ARHGEF4: variants seen among roughly 807,000 people sequenced by gnomAD.
The protein encoded by ARHGEF4 is Rho guanine nucleotide exchange factor 4.
In ARHGEF4, 119 loss-of-function variants were observed where a neutral mutation model predicts 162.0. The observed-to-expected ratio is 0.73, with a 90% CI of 0.63 to 0.86. The LOEUF (loss-of-function observed/expected upper bound fraction) is 0.86. Among genes scored for constraint, ARHGEF4 ranks in the 40% least tolerant of loss-of-function variants. The pLI, the probability that ARHGEF4 is intolerant of heterozygous loss-of-function variation, is 0.00. For synonymous variants in ARHGEF4, 1,014 were observed against 979.9 expected (o/e 1.03, Z -0.65); for missense variants, 2,488 against 2,456.0 (o/e 1.01, Z -0.28).
At chr2:130,941,781 G>T (rs1280063274) in intron 3 of ARHGEF4, among the ~76,000 whole-genome samples, 1 of 152,168 alleles carries the variant, frequency 6.6e-6, no homozygotes, top group Non-Finnish European at 1.5e-5. Flanking sequence ...GGCTAAGGAG[G>T]AGGAAGGAGA....
intron 4 of ARHGEF4, among the ~76,000 whole-genome samples, chr2:130,995,542 G>A (rs140211548): frequency 7.6e-4 from 115 of 152,226 alleles, no homozygotes; most frequent in African/African-American, 2.7e-3. Context: ...CTCCACATGT[G>A]CCTGGTTATA....
chr2:130,915,091 C>A lies in ARHGEF4; in HGVS notation c.1145C>A (p.Ala382Glu). 6.4e-7 allele frequency: 1 copy of A among 1,550,724 alleles called. No homozygotes were observed. Among genetic ancestry groups the A allele is most frequent in the Non-Finnish European group, 8.7e-7 (1 of 1,147,026 alleles). Reference sequence around the variant, plus strand: ...AGAATACAAAACATCCCTTCCCCTGCACCCACCCAGCTGTCTGGCCCGATT... The same window carrying A: ...AGAATACAAAACATCCCTTCCCCTGAACCCACCCAGCTGTCTGGCCCGATT... ...DPRIQNIPSP[A>E]PTQLSGPIPA... The change falls in exon 2 of 14, where the codon GCA (alanine) becomes GAA (glutamate). Residue 382 changes from alanine to glutamate, a missense_variant. Physicochemically the swap from Ala to Glu is moderately radical, Grantham distance 107. Coordinates refer to ENST00000409359, the MANE Select transcript of ARHGEF4 (RefSeq NM_001367493.1).
At chr2:130,950,355 G>A (rs1683879715) in intron 4 of ARHGEF4, among the ~76,000 whole-genome samples, 1 of 152,146 alleles carries the variant, frequency 6.6e-6, no homozygotes, top group South Asian at 2.1e-4. Context: ...GCAGGGCCAG[G>A]TACATCTCTG....
At chr2:130,975,578 T>C (rs1685649207) in intron 4 of ARHGEF4, among the ~76,000 whole-genome samples, 1 of 152,168 alleles carries the variant, frequency 6.6e-6, no homozygotes, top group Admixed American at 6.5e-5. Flanking sequence ...CCCATGGAAG[T>C]GACTCTTGTC....
chr2:130,885,591 A>T (rs72658776), intron 1 of ARHGEF4, among the ~76,000 whole-genome samples: 15,927 of 111,462 alleles, frequency 0.14, 966 homozygotes, highest in Admixed American at 0.23. Flanking sequence ...TTTTTTTTAG[A>T]TGGAGTCTCC....
At chr2:130,970,898 CA>C (rs2105219654) in intron 4 of ARHGEF4, among the ~76,000 whole-genome samples, 1 of 152,264 alleles carries the variant, frequency 6.6e-6, no homozygotes, top group African/African-American at 2.4e-5. Context: ...TTTTGCTGAA[CA>C]AAAGTTTGTA....
At chr2:130,975,568 C>T (rs1417660988) in intron 4 of ARHGEF4, among the ~76,000 whole-genome samples, 1 of 152,192 alleles carries the variant, frequency 6.6e-6, no homozygotes, top group East Asian at 1.9e-4. Context: ...CCTTGCCTTT[C>T]CCATGGAAGT....
At position 130,914,759 on chromosome 2, in the gene ARHGEF4, G is replaced by C. The variant is rs989834873; in HGVS notation, c.813G>C (p.Lys271Asn). ...NTAPLGTRTK[K>N]ESTLGPAGDT... ...CCCCTCTGGGGACCAGGACAAAGAA[G>C]GAAAGTACTCTAGGCCCTGCAGGGG... The change falls in exon 2 of 14, where the codon AAG becomes AAC. Residue 271 changes from lysine to asparagine, a missense_variant. Coordinates refer to ENST00000409359, the MANE Select transcript of ARHGEF4 (RefSeq NM_001367493.1). 3.5e-6 allele frequency: 5 copies of C among 1,427,562 alleles called. No individual in the cohort carries two copies. The highest frequency in any genetic ancestry group is 4.6e-6 in the Non-Finnish European group (5 of 1,096,498). The allele number at this position is 1,427,562 out of a possible 1,614,324, so 88.4% of individuals were successfully genotyped here.
chr2:130,844,073 G>A (rs1370426657), intron 1 of ARHGEF4, among the ~76,000 whole-genome samples: 1 of 152,206 alleles, frequency 6.6e-6, no homozygotes, highest in African/African-American at 2.4e-5. Context: ...AGACCCTGCA[G>A]AGGGTTTGAA....
chr2:130,945,070 C>T (rs1312933914), intron 3 of ARHGEF4, among the ~76,000 whole-genome samples: 3 of 152,102 alleles, frequency 2.0e-5, no homozygotes, highest in Non-Finnish European at 2.9e-5. Flanking sequence ...TGTTCTACCC[C>T]ATGGTTCAGT....
chr2:130,976,357 G>GTGTT (rs149397879), intron 4 of ARHGEF4, among the ~76,000 whole-genome samples: 1 of 151,682 alleles, frequency 6.6e-6, no homozygotes, highest in Admixed American at 6.6e-5. Context: ...GTCTGTGTGT[G>GTGTT]TGTGTGTGTG....
chr2:131,030,782 G>A (rs866774904), intron 5 of ARHGEF4, among the ~76,000 whole-genome samples: 21 of 152,308 alleles, frequency 1.4e-4, no homozygotes, highest in African/African-American at 2.9e-4. Context: ...ATGTGACACC[G>A]GAGCCCTCAC....
intron 4 of ARHGEF4, among the ~76,000 whole-genome samples, chr2:130,995,861 C>T (rs1350367162): frequency 6.6e-6 from 1 of 151,380 alleles, no homozygotes; most frequent in Non-Finnish European, 1.5e-5. Flanking sequence ...ACCCCAGCCC[C>T]TTGAAGTTAT....
intron 4 of ARHGEF4, among the ~76,000 whole-genome samples, chr2:131,024,256 G>C (rs1249273962): frequency 1.3e-5 from 2 of 152,110 alleles, no homozygotes; most frequent in Non-Finnish European, 2.9e-5. Context: ...AACATCTTTT[G>C]TTTTGTTTTG....
At position 131,004,627 on chromosome 2, in the gene ARHGEF4, C is replaced by A. The variant is rs558231567; in HGVS notation, c.3986-23318C>A. Among the ~76,000 whole-genome samples the A allele has an allele frequency of 6.6e-5, 10 of 152,180 alleles. No homozygotes were observed. The East Asian group carries it at 1.9e-3, about 29-fold the overall frequency. ...GCCCGGCCTCGATGGTCCTTCCAGG[C>A]CTGACCCGGCCGTGAGCGCCTGCCA... is the stretch of plus-strand genomic sequence containing the variant. On this transcript the variant is annotated intron_variant, in intron 4 of 13. Transcript: ENST00000409359.
intron 1 of ARHGEF4, among the ~76,000 whole-genome samples, chr2:130,909,945 A>G (rs2105041058): frequency 6.6e-6 from 1 of 152,340 alleles, no homozygotes; most frequent in East Asian, 1.9e-4. Flanking sequence ...AAGAAGGAAG[A>G]GTTCAAAAAG....
intron 4 of ARHGEF4, among the ~76,000 whole-genome samples, chr2:130,986,788 G>A (rs1339154636): frequency 6.6e-6 from 1 of 152,218 alleles, no homozygotes; most frequent in Non-Finnish European, 1.5e-5. Context: ...TTGTCTGCAA[G>A]TCCCTGCTCT....
At chr2:130,881,102 G>A (rs1400572356) in intron 1 of ARHGEF4, among the ~76,000 whole-genome samples, 1 of 152,006 alleles carries the variant, frequency 6.6e-6, no homozygotes, top group African/African-American at 2.4e-5. Flanking sequence ...GCACCATCTC[G>A]GCTCACTACA....
chr2:130,872,509 T>C (rs2104935890), intron 1 of ARHGEF4, among the ~76,000 whole-genome samples: 1 of 152,186 alleles, frequency 6.6e-6, no homozygotes, highest in Middle Eastern at 3.4e-3. Context: ...CCAGCCCTCC[T>C]CCGCACCTCC....
Sources: allele counts gnomAD v4.1 joint callset (sites outside exome capture counted in the v4.1 genomes callset), GRCh38; gene constraint gnomAD v4.1.1; transcripts MANE v1.5; gene names NCBI Gene and HGNC (gene_info 2026-07-23, HGNC 2026-07-21).